EML1: variants seen among roughly 807,000 people sequenced by gnomAD.
EML1 encodes the protein echinoderm microtubule-associated protein-like 1.
In EML1, 27 loss-of-function variants were observed where a neutral mutation model predicts 110.4. The ratio of observed to expected loss-of-function variants is 0.24; its 90% CI spans 0.18 to 0.34. The LOEUF is 0.34. Among genes scored for constraint, EML1 ranks in the 10% least tolerant of loss-of-function variants. The pLI is 1.00. For missense variants in EML1, 741 were observed against 1,030.9 expected (o/e 0.72, Z 3.85); for synonymous variants, 344 against 385.8 (o/e 0.89, Z 1.27).
intron 1 of EML1, among the ~76,000 whole-genome samples, chr14:99,803,515 T>C (rs1186083158): frequency 6.6e-6 from 1 of 152,184 alleles, no homozygotes; most frequent in Non-Finnish European, 1.5e-5. Flanking sequence ...CAGAAACATA[T>C]GAATGCAGGC....
chr14:99,764,756 G>GA (rs1203564298), intron 1 of EML1, among the ~76,000 whole-genome samples: 3 of 152,220 alleles, frequency 2.0e-5, no homozygotes, highest in African/African-American at 7.2e-5. Flanking sequence ...CAGGAGCTTG[G>GA]AGCAGGATGT....
chr14:99,804,442 A>G (rs1230875446), intron 1 of EML1, among the ~76,000 whole-genome samples: 1 of 152,198 alleles, frequency 6.6e-6, no homozygotes, highest in Non-Finnish European at 1.5e-5. Flanking sequence ...AGTGGGTCCT[A>G]TTATTGTCTC....
intron 11 of EML1, among the ~76,000 whole-genome samples, chr14:99,909,764 A>C (rs917766021): frequency 3.9e-5 from 6 of 152,150 alleles, no homozygotes; most frequent in Admixed American, 3.9e-4. Context: ...GAGGCAGGCA[A>C]CCTGCCTTTG....
intron 1 of EML1, among the ~76,000 whole-genome samples, chr14:99,759,971 G>A (rs1354308837): frequency 6.6e-6 from 1 of 151,558 alleles, no homozygotes; most frequent in East Asian, 1.9e-4. Context: ...GCCGGGCGTG[G>A]TGGCGGGTGC....
At chr14:99,924,869 AT>A in intron 17 of EML1, among the ~76,000 whole-genome samples, 1 of 152,150 alleles carries the variant, frequency 6.6e-6, no homozygotes, top group Non-Finnish European at 1.5e-5. Context: ...ATCTTATTTT[AT>A]TAATATCACT....
At chr14:99,910,203 G>T in intron 11 of EML1, 39 bp from the exon 12 acceptor site, 1 of 1,369,428 alleles carries the variant, frequency 7.3e-7, no homozygotes, top group Non-Finnish European at 1.0e-6. Flanking sequence ...ATGTTGTATG[G>T]ATTAAATATA....
rs1412026126 is a variant in EML1 at position 99,793,480 on chromosome 14, G to C, written c.4G>C (p.Glu2Gln). The change falls in exon 1 of 22, where the codon GAG becomes CAG. Residue 2 changes from glutamate to glutamine, a missense_variant. Physicochemically the swap from Glu to Gln is conservative, Grantham distance 29. Around this residue, in one of 4 missense-constraint regions of EML1, gnomAD observed 226 missense variants for 255.6 expected, o/e 0.88. Coordinates refer to ENST00000262233, the MANE Select transcript of EML1 (RefSeq NM_004434.3). M[E>Q]DGFSSYSSLY... ...GGCGCGGCCCGGCGGCCTCAGCATG[G>C]AGGACGGCTTCTCCAGCTACAGCAG... 8.5e-6 allele frequency: 9 copies of C among 1,053,080 alleles called. No individual in the cohort carries two copies. The highest frequency in any genetic ancestry group is 1.0e-5 in the Non-Finnish European group (9 of 870,936). 65.2% of individuals were successfully genotyped at this position (1,053,080 alleles called of 1,614,324 possible).
At chr14:99,757,360 G>A (rs1595244632) in intron 1 of EML1, among the ~76,000 whole-genome samples, 2 of 151,534 alleles carry the variant, frequency 1.3e-5, no homozygotes, top group East Asian at 3.9e-4. Context: ...AAAAAGAATT[G>A]TTAAAAATTT....
At position 99,831,668 on chromosome 14, in the gene EML1, A is replaced by G. The variant is rs540462206; in HGVS notation, c.68-19185A>G. On this transcript the variant is annotated intron_variant, in intron 1 of 21. Transcript: ENST00000262233. ...AGAAAAAAAATCTGCTGCAACCTAT[A>G]GATCCAAACACAGTTCAATACATCT... is the stretch of plus-strand genomic sequence containing the variant. Among the ~76,000 whole-genome samples the G allele has an allele frequency of 2.0e-5, 3 of 152,314 alleles. No individual in the cohort carries two copies. The South Asian group carries it at 6.2e-4, about 32-fold the overall frequency.
chr14:99,825,406 C>T (rs1356504478), intron 1 of EML1, among the ~76,000 whole-genome samples: 1 of 152,170 alleles, frequency 6.6e-6, no homozygotes, highest in African/African-American at 2.4e-5. Context: ...ACAATGATTT[C>T]ACTTCCTTTG....
At chr14:99,831,318 C>T (rs900373796) in intron 1 of EML1, among the ~76,000 whole-genome samples, 2 of 152,170 alleles carry the variant, frequency 1.3e-5, no homozygotes, top group Admixed American at 1.3e-4. Context: ...TAGTCTCACT[C>T]TCTGAACTAT....
At chr14:99,897,038 C>T (rs989486436) in intron 6 of EML1, 107 bp from the exon 7 acceptor site, 2 of 1,014,298 alleles carry the variant, frequency 2.0e-6, no homozygotes, top group Admixed American at 6.3e-5. Flanking sequence ...ATTAGTGATG[C>T]TGATGGTAAT....
At chr14:99,740,625 C>T (rs940267007) in intron 1 of EML1, among the ~76,000 whole-genome samples, 10 of 152,168 alleles carry the variant, frequency 6.6e-5, no homozygotes, top group African/African-American at 2.4e-4. Context: ...CAGGAACTCT[C>T]CTGCATCAAG....
chr14:99,806,477 C>T (rs907458465), intron 1 of EML1, among the ~76,000 whole-genome samples: 1 of 152,020 alleles, frequency 6.6e-6, no homozygotes, highest in Non-Finnish European at 1.5e-5. Flanking sequence ...CCACCACACC[C>T]AGCTAATTTT....
intron 4 of EML1, among the ~76,000 whole-genome samples, chr14:99,880,432 C>T (rs1027584496): frequency 2.6e-5 from 4 of 152,180 alleles, no homozygotes; most frequent in Non-Finnish European, 5.9e-5. Context: ...CAGCCCCATG[C>T]TCAGGCTGCC....
At chr14:99,822,318 TGA>T (rs1425448734) in intron 1 of EML1, among the ~76,000 whole-genome samples, 2 of 152,098 alleles carry the variant, frequency 1.3e-5, no homozygotes, top group African/African-American at 2.4e-5. Flanking sequence ...TGTATGTGTG[TGA>T]GAGAGAGAGG....
chr14:99,916,360 C>T (rs2060034201), intron 15 of EML1, among the ~76,000 whole-genome samples: 1 of 152,238 alleles, frequency 6.6e-6, no homozygotes, highest in Admixed American at 6.5e-5. Flanking sequence ...AGCTTAATTA[C>T]AGCTCCCACT....
At chr14:99,767,429 C>A (rs146192043) in intron 1 of EML1, among the ~76,000 whole-genome samples, 19 of 152,190 alleles carry the variant, frequency 1.2e-4, no homozygotes, top group Non-Finnish European at 1.0e-4. Flanking sequence ...TGGTGAAGCC[C>A]CAACTCTACT....
chr14:99,882,173 C>A (rs2059396117), intron 4 of EML1, among the ~76,000 whole-genome samples: 1 of 152,120 alleles, frequency 6.6e-6, no homozygotes, highest in Non-Finnish European at 1.5e-5. Flanking sequence ...CATAGTGATT[C>A]ATGTCATCAT....
Sources: gnomAD v4.1 joint callset for allele counts (sites outside exome capture counted in the v4.1 genomes callset) on GRCh38, gnomAD v4.1.1 for gene constraint, gnomAD v4.1.1 regional missense constraint, MANE v1.5 for transcripts, NCBI Gene and HGNC (gene_info 2026-07-23, HGNC 2026-07-21) for gene names.